The following RGPD2 variants were observed in gnomAD, a reference collection of about 807,000 sequenced individuals.
The protein encoded by RGPD2 is RANBP2-like and GRIP domain-containing protein 2.
RGPD2 carries 2 observed loss-of-function variants against 36.0 expected under a neutral mutation model. That is an observed-to-expected ratio of 0.06 (90% CI 0.02 to 0.17). RGPD2 has a LOEUF of 0.17. Among genes scored for constraint, RGPD2 ranks in the 10% least tolerant of loss-of-function variants. RGPD2 has a pLI of 1.00. For synonymous variants in RGPD2, 19 were observed against 163.8 expected, an observed-to-expected ratio of 0.12 and a Z score of 6.75; for missense variants, 40 against 464.3, an observed-to-expected ratio of 0.09 and a Z score of 8.40.
the RGPD2 span, among the ~76,000 whole-genome samples, chr2:87,970,454 C>A: frequency 5.9e-5 from 9 of 152,012 alleles, no homozygotes; most frequent in Non-Finnish European, 1.3e-4. Context: ...ATCATAGAAA[C>A]AATCTAGCAA....
At chr2:87,927,184 C>T in the RGPD2 span, among the ~76,000 whole-genome samples, 6 of 130,434 alleles carry the variant, frequency 4.6e-5, 1 homozygote, top group Admixed American at 4.6e-4. Flanking sequence ...ATAAGTCCTC[C>T]TCAGAGACAG....
the RGPD2 span, among the ~76,000 whole-genome samples, chr2:87,936,903 A>G: frequency 7.3e-6 from 1 of 137,128 alleles, no homozygotes; most frequent in South Asian, 2.5e-4. Context: ...TTCCTCCTCC[A>G]TGCAATCAGA....
At chr2:87,807,380 GTTTTTTTTTT>G (rs992462711) in intron 6 of RGPD2, among the ~76,000 whole-genome samples, 1 of 81,952 alleles carries the variant, frequency 1.2e-5, no homozygotes, top group Non-Finnish European at 2.1e-5. Context: ...GCGTTAAATT[GTTTTTTTTTT>G]TTTTTTTTTT....
chr2:87,980,959 A>C, the RGPD2 span, among the ~76,000 whole-genome samples: 7 of 134,044 alleles, frequency 5.2e-5, no homozygotes, highest in Non-Finnish European at 1.1e-4. Flanking sequence ...CTTCCAGGTT[A>C]CTGTAAAGAT....
the RGPD2 span, chr2:87,972,639 G>C: frequency 4.4e-6 from 6 of 1,359,524 alleles, no homozygotes; most frequent in African/African-American, 4.7e-5. Flanking sequence ...GGTCCTCAGG[G>C]GGCTGTAGGT....
At chr2:87,841,312 T>C in the RGPD2 span, among the ~76,000 whole-genome samples, 3 of 152,106 alleles carry the variant, frequency 2.0e-5, no homozygotes, top group African/African-American at 7.2e-5. Context: ...AGGCCGACTC[T>C]GAAGCTGAGC....
chr2:87,915,062 G>A, the RGPD2 span, among the ~76,000 whole-genome samples: 1 of 151,868 alleles, frequency 6.6e-6, no homozygotes, highest in Non-Finnish European at 1.5e-5. Flanking sequence ...CAGGAGAATC[G>A]CTTCAATGCA....
At chr2:87,983,902 C>T in the RGPD2 span, among the ~76,000 whole-genome samples, 1 of 152,246 alleles carries the variant, frequency 6.6e-6, no homozygotes, top group East Asian at 1.9e-4. Flanking sequence ...GAAATAAGAC[C>T]AGGAAGGTGA....
At chr2:87,979,469 C>A in the RGPD2 span, among the ~76,000 whole-genome samples, 13 of 63,960 alleles carry the variant, frequency 2.0e-4, no homozygotes, top group African/African-American at 7.4e-4. Flanking sequence ...CTGAATAAAT[C>A]TTATACCAAA....
the RGPD2 span, among the ~76,000 whole-genome samples, chr2:87,971,711 T>C: frequency 6.6e-6 from 1 of 151,936 alleles, no homozygotes; most frequent in African/African-American, 2.4e-5. Context: ...TTATTTGCCA[T>C]TCAAGAATGT....
the RGPD2 span, among the ~76,000 whole-genome samples, chr2:87,831,632 A>G: frequency 6.6e-6 from 1 of 150,460 alleles, no homozygotes; most frequent in Non-Finnish European, 1.5e-5. Context: ...TATTTTCCAT[A>G]AGAAATGGAG....
At chr2:87,854,823 C>T in the RGPD2 span, among the ~76,000 whole-genome samples, 3 of 152,066 alleles carry the variant, frequency 2.0e-5, no homozygotes, top group African/African-American at 7.2e-5. Flanking sequence ...ATAAATAAAG[C>T]TGTTGTAAAA....
At chr2:87,861,673 T>A in the RGPD2 span, among the ~76,000 whole-genome samples, 1 of 151,862 alleles carries the variant, frequency 6.6e-6, no homozygotes, top group African/African-American at 2.4e-5. Context: ...ATCTGGCCTC[T>A]TTGATAGTTT....
At chr2:87,952,489 A>T in the RGPD2 span, among the ~76,000 whole-genome samples, 2 of 152,252 alleles carry the variant, frequency 1.3e-5, no homozygotes, top group Admixed American at 1.3e-4. Context: ...TATATTATGT[A>T]AAATACATAC....
intron 1 of RGPD2, among the ~76,000 whole-genome samples, 182 bp downstream of exon 1, chr2:87,825,473 CCGT>C (rs1400000261): frequency 3.0e-4 from 33 of 110,230 alleles, no homozygotes; most frequent in Non-Finnish European, 4.5e-4. Context: ...GCCGAGGCCG[CCGT>C]CGCCGCCGCC....
the RGPD2 span, among the ~76,000 whole-genome samples, chr2:87,883,151 G>A: frequency 2.0e-5 from 3 of 152,162 alleles, no homozygotes; most frequent in Admixed American, 6.5e-5. Context: ...ATAAAAAGAT[G>A]TAAAGTATAA....
At chr2:87,947,936 T>C in the RGPD2 span, among the ~76,000 whole-genome samples, 3 of 151,394 alleles carry the variant, frequency 2.0e-5, no homozygotes, top group Non-Finnish European at 3.0e-5. Flanking sequence ...TCGGGACCCC[T>C]TCCACACTGT....
the RGPD2 span, among the ~76,000 whole-genome samples, chr2:87,988,391 T>C: frequency 1.1e-5 from 1 of 90,790 alleles, no homozygotes; most frequent in Non-Finnish European, 2.4e-5. Flanking sequence ...TTGAGATATT[T>C]ATTTTAAAAT....
At chr2:87,875,293 GA>G in the RGPD2 span, among the ~76,000 whole-genome samples, 44 of 152,302 alleles carry the variant, frequency 2.9e-4, no homozygotes, top group African/African-American at 1.0e-3. Flanking sequence ...CTTTGCAAGG[GA>G]AATGCCTCTA....
Sources: gnomAD v4.1 joint callset for allele counts (sites outside exome capture counted in the v4.1 genomes callset) on GRCh38, gnomAD v4.1.1 for gene constraint, MANE v1.5 for transcripts, NCBI Gene and HGNC (gene_info 2026-07-23, HGNC 2026-07-21) for gene names.